PDE4B: variants seen among roughly 807,000 people sequenced by gnomAD.
PDE4B encodes the protein 3',5'-cyclic-AMP phosphodiesterase 4B.
Under a neutral mutation model 82.2 loss-of-function variants are expected in PDE4B, and 20 were observed. The observed-to-expected ratio is 0.24, with a 90% CI of 0.17 to 0.35. PDE4B has a LOEUF of 0.35. Ranked by LOEUF, PDE4B falls within the 10% of genes least tolerant of loss-of-function variation. The pLI, the probability that PDE4B is intolerant of heterozygous loss-of-function variation, is 1.00. For missense variants in PDE4B, 655 were observed against 907.2 expected (o/e 0.72, Z 3.57); for synonymous variants, 320 against 318.9 (o/e 1.00, Z -0.04).
chr1:66,184,324 A>G (rs1166416695), intron 3 of PDE4B, among the ~76,000 whole-genome samples: 1 of 152,160 alleles, frequency 6.6e-6, no homozygotes, highest in Admixed American at 6.6e-5. Context: ...ACAGAATTAT[A>G]GGAATTTATT....
At chr1:65,998,544 C>A (rs1276933656) in intron 3 of PDE4B, among the ~76,000 whole-genome samples, 2 of 151,838 alleles carry the variant, frequency 1.3e-5, no homozygotes, top group Admixed American at 1.3e-4. Flanking sequence ...GGAAAAGGGA[C>A]AATGTGCATT....
chr1:65,975,246 C>T (rs1650346065), intron 3 of PDE4B, among the ~76,000 whole-genome samples: 1 of 152,172 alleles, frequency 6.6e-6, no homozygotes, highest in Non-Finnish European at 1.5e-5. Flanking sequence ...TGCACCTGCC[C>T]TAGAGATCTG....
chr1:66,226,451 A>C (rs901467842), intron 3 of PDE4B, among the ~76,000 whole-genome samples: 2 of 152,250 alleles, frequency 1.3e-5, no homozygotes, highest in Non-Finnish European at 2.9e-5. Flanking sequence ...AAGTGTGCAG[A>C]AGGAGGTGTA....
At chr1:66,055,713 T>A (rs998688247) in intron 3 of PDE4B, among the ~76,000 whole-genome samples, 2 of 152,342 alleles carry the variant, frequency 1.3e-5, no homozygotes, top group Admixed American at 1.3e-4. Flanking sequence ...CCAGGTATTT[T>A]AATTTAAAAG....
chr1:66,244,029 CT>C (rs1653096159), intron 3 of PDE4B, among the ~76,000 whole-genome samples: 1 of 152,128 alleles, frequency 6.6e-6, no homozygotes, highest in African/African-American at 2.4e-5. Flanking sequence ...TCTGTGTGAC[CT>C]CATTTAAATG....
intron 3 of PDE4B, among the ~76,000 whole-genome samples, chr1:66,174,911 T>C (rs1224119569): frequency 6.6e-6 from 1 of 151,814 alleles, no homozygotes; most frequent in African/African-American, 2.4e-5. Flanking sequence ...TGGCAGAAGA[T>C]GAAGGGGAAG....
intron 3 of PDE4B, among the ~76,000 whole-genome samples, chr1:66,003,021 C>T (rs1651949781): frequency 6.6e-6 from 1 of 151,932 alleles, no homozygotes; most frequent in African/African-American, 2.4e-5. Flanking sequence ...CATACACAAA[C>T]ATTCATATTA....
At chr1:66,273,922 A>C (rs1322599319) in intron 7 of PDE4B, among the ~76,000 whole-genome samples, 1 of 152,254 alleles carries the variant, frequency 6.6e-6, no homozygotes, top group African/African-American at 2.4e-5. Flanking sequence ...CTTTCAAGGC[A>C]CTTGAAGTGA....
chr1:66,296,205 A>C (rs537341930), intron 7 of PDE4B, among the ~76,000 whole-genome samples: 2 of 152,248 alleles, frequency 1.3e-5, no homozygotes, highest in African/African-American at 4.8e-5. Context: ...TATTGGTGGC[A>C]AAAACTATGT....
intron 8 of PDE4B, among the ~76,000 whole-genome samples, chr1:66,338,886 G>A (rs961877065): frequency 6.6e-6 from 1 of 151,312 alleles, no homozygotes; most frequent in African/African-American, 2.4e-5. Context: ...GGGCGTAGTG[G>A]CGGGCGCCTG....
At chr1:66,190,982 C>T (rs912849451) in intron 3 of PDE4B, among the ~76,000 whole-genome samples, 25 of 152,128 alleles carry the variant, frequency 1.6e-4, no homozygotes, top group African/African-American at 5.8e-4. Flanking sequence ...CTTGACTCCA[C>T]CCCCTGGAGT....
chr1:66,203,902 C>T (rs1304610556), intron 3 of PDE4B, among the ~76,000 whole-genome samples: 4 of 152,184 alleles, frequency 2.6e-5, no homozygotes, highest in Admixed American at 2.0e-4. Context: ...AACTGCATTC[C>T]TTTGGAGGAG....
rs1177919655 is a variant in PDE4B at position 65,798,415 on chromosome 1, C to T, written c.-71+5167C>T. 5.7e-5 allele frequency among the ~76,000 whole-genome samples: 5 copies of T among 88,116 alleles called. 2 individuals are homozygous for T. The South Asian group carries it at 1.2e-3, about 20-fold the overall frequency. 57.8% of individuals were successfully genotyped at this position (88,116 alleles called of 152,430 possible). On this transcript the variant is annotated intron_variant, in intron 1 of 16. Transcript: ENST00000341517. ...CTGGGACTACAGGCGCCCGCCACCG[C>T]GCCCGGCTAATTTTTTGTATTTTTA...
chr1:65,864,130 C>T (rs1421691014), intron 1 of PDE4B, among the ~76,000 whole-genome samples: 1 of 151,518 alleles, frequency 6.6e-6, no homozygotes, highest in Non-Finnish European at 1.5e-5. Context: ...CTCTGATATT[C>T]TTCCTTCTGC....
intron 3 of PDE4B, among the ~76,000 whole-genome samples, chr1:66,091,382 C>CA (rs1220490463): frequency 2.0e-5 from 3 of 151,232 alleles, no homozygotes; most frequent in Admixed American, 6.6e-5. Context: ...AATGAAATTC[C>CA]AAAAAAAATC....
intron 3 of PDE4B, among the ~76,000 whole-genome samples, chr1:66,117,973 T>TGC (rs1309993934): frequency 1.3e-5 from 2 of 152,224 alleles, no homozygotes; most frequent in Admixed American, 6.5e-5. Context: ...CTAGCACCTG[T>TGC]GGTTTCCTGA....
chr1:66,049,310 G>A (rs1654890167), intron 3 of PDE4B, among the ~76,000 whole-genome samples: 1 of 152,022 alleles, frequency 6.6e-6, no homozygotes, highest in Non-Finnish European at 1.5e-5. Flanking sequence ...ACAACTGTCA[G>A]GTCAGTTACC....
chr1:66,120,697 G>T (rs919798781), intron 3 of PDE4B, among the ~76,000 whole-genome samples: 1 of 152,070 alleles, frequency 6.6e-6, no homozygotes, highest in African/African-American at 2.4e-5. Context: ...CTGTTGAAAG[G>T]TGGTTGCCTT....
At chr1:65,918,447 A>T in intron 2 of PDE4B, 150 bp from the exon 3 acceptor site, 1 of 605,458 alleles carries the variant, frequency 1.7e-6, no homozygotes, top group Non-Finnish European at 3.0e-6. Context: ...TTTCTCTTTA[A>T]GCTTTTGACA....
Sources: allele counts gnomAD v4.1 joint callset (sites outside exome capture counted in the v4.1 genomes callset), GRCh38; gene constraint gnomAD v4.1.1; transcripts MANE v1.5; gene names NCBI Gene and HGNC (gene_info 2026-07-23, HGNC 2026-07-21).